TAFA3: variants seen among roughly 807,000 people sequenced by gnomAD.
TAFA3 encodes the protein TAFA chemokine like family member 3, also known as chemokine-like protein TAFA-3.
A neutral mutation model predicts 20.7 loss-of-function variants in TAFA3; 17 were observed. The ratio of observed to expected loss-of-function variants is 0.82; its 90% CI spans 0.56 to 1.23. TAFA3 has a LOEUF of 1.23. Ranked by LOEUF, TAFA3 falls within the 50% of genes most tolerant of loss-of-function variation. TAFA3 has a pLI of 0.00. For missense variants in TAFA3, 174 were observed against 172.8 expected (o/e 1.01, Z -0.04); for synonymous variants, 74 against 71.8 (o/e 1.03, Z -0.16).
At position 112,719,091 on chromosome 1, in the gene TAFA3, G is replaced by C. The variant is rs1373213984; in HGVS notation, c.-268G>C. 6.6e-6 allele frequency among the ~76,000 whole-genome samples: 1 copy of C among 152,218 alleles called. No homozygotes were observed. Among genetic ancestry groups the C allele is most frequent in the Non-Finnish European group, 1.5e-5 (1 of 68,034 alleles). The stretch of plus-strand genomic sequence containing the variant: ...AGAGCTCCCCTGTGCCCAGAGCCCG[G>C]CCCGCCCTGCGGATGATGCCAACCT... On this transcript the variant is annotated 5_prime_UTR_variant, in exon 1 of 6. Coordinates refer to ENST00000361886, the MANE Select transcript of TAFA3 (RefSeq NM_182759.3).
At position 112,726,825 on chromosome 1, in the gene TAFA3, C is replaced by T. The variant is rs913068426; in HGVS notation, c.*185C>T. 1 of 821,730 alleles carries T rather than the reference C, an allele frequency of 1.2e-6. No homozygotes were observed. Among genetic ancestry groups the T allele is most frequent in the Non-Finnish European group, 1.9e-6 (1 of 520,588 alleles). 50.9% of individuals were successfully genotyped at this position (821,730 alleles called of 1,614,324 possible). ...ATATGGATGGATCTGCAATCACATA[C>T]CTAATGTGGAGCTGGGCTTTTCTGG... On this transcript the variant is annotated 3_prime_UTR_variant, in exon 6 of 6. Coordinates refer to ENST00000361886, the MANE Select transcript of TAFA3 (RefSeq NM_182759.3).
In TAFA3 at chr1:112,724,133, C is replaced by G; in HGVS notation, c.386C>G (p.Thr129Ser). 6.3e-7 allele frequency: 1 copy of G among 1,598,520 alleles called. No homozygotes were observed. Among genetic ancestry groups the G allele is most frequent in the Non-Finnish European group, 8.5e-7 (1 of 1,170,992 alleles). The stretch of plus-strand genomic sequence containing the variant: ...AGCAGTGGACACAAAGTCAAAACCA[C>G]CAAGGTACCCTGGGTGGGCACCTCA... ...SCSSGHKVKT[T>S]KVTR Residue 129 changes from threonine (T) to serine (S), a missense_variant, in exon 5 of 6, where the codon ACC (threonine) becomes AGC (serine). Coordinates refer to ENST00000361886, the MANE Select transcript of TAFA3 (RefSeq NM_182759.3).
intron 5 of TAFA3, 72 bp from the exon 6 acceptor site, chr1:112,726,557 G>A: frequency 6.6e-7 from 1 of 1,521,760 alleles, no homozygotes; most frequent in Non-Finnish European, 9.1e-7. Flanking sequence ...TGCATATTCT[G>A]GGTAGTCTCT....
At chr1:112,720,451 A>C (rs1262927846) in intron 1 of TAFA3, 126 bp from the exon 2 acceptor site, 1 of 152,244 alleles carries the variant, frequency 6.6e-6, no homozygotes, top group African/African-American at 2.4e-5. Context: ...ACAGCTTCAG[A>C]ATTGGGCTGA....
At chr1:112,722,567 C>T (rs1301931833) in intron 3 of TAFA3, among the ~76,000 whole-genome samples, 1 of 152,192 alleles carries the variant, frequency 6.6e-6, no homozygotes, top group East Asian at 1.9e-4. Flanking sequence ...TTGCTCACCT[C>T]TCCTTCCAGG....
intron 5 of TAFA3, among the ~76,000 whole-genome samples, chr1:112,725,039 T>C (rs1357460838): frequency 1.3e-5 from 2 of 152,140 alleles, no homozygotes; most frequent in Non-Finnish European, 2.9e-5. Flanking sequence ...TTATATACCA[T>C]AGAATACTAC....
chr1:112,723,122 C>T lies in TAFA3; in HGVS notation c.222C>T (p.Gly74=), dbSNP rs774046138. The part of the protein sequence containing the change: ...SQTVKCSCFS[G]QVAGTTRAKP... ...CGGTGAAATGCTCCTGTTTTTCTGG[C>T]CAGGTGGCCGGCACCACGCGGGCAA... The change falls in exon 4 of 6, where the codon GGC becomes GGT. Residue 74 remains glycine (G), a synonymous_variant. Coordinates refer to ENST00000361886, the MANE Select transcript of TAFA3 (RefSeq NM_182759.3). 6.2e-7 allele frequency: 1 copy of T among 1,613,270 alleles called. No individual in the cohort carries two copies. The highest frequency in any genetic ancestry group is 1.1e-5 in the South Asian group (1 of 90,964).
chr1:112,726,107 A>G (rs965502553), intron 5 of TAFA3, among the ~76,000 whole-genome samples: 50 of 152,226 alleles, frequency 3.3e-4, no homozygotes, highest in African/African-American at 1.2e-3. Flanking sequence ...ACTGCACTCC[A>G]GTCTGGGCGA....
Position 112,723,064 on chromosome 1 carries a change from G to C in TAFA3, c.164G>C (p.Cys55Ser). 2 of 1,613,116 alleles carry C rather than the reference G, an allele frequency of 1.2e-6. No homozygotes were observed. The highest frequency in any genetic ancestry group is 1.7e-6 in the Non-Finnish European group (2 of 1,179,686). ...GAGGTGATTGCGGCTCACCGCTGCTGCAACCGGAACCGCATCGAGGAGCGC... is the reference window on the plus strand; with the variant it reads ...GAGGTGATTGCGGCTCACCGCTGCTCCAACCGGAACCGCATCGAGGAGCGC... ...TCEVIAAHRC[C>S]NRNRIEERSQ... Residue 55 changes from cysteine (C) to serine (S), a missense_variant, in exon 4 of 6, where the codon TGC (cysteine) becomes TCC (serine). Transcript: ENST00000361886.
rs1465055302 is a variant in TAFA3 at position 112,722,303 on chromosome 1, T to G, written c.70T>G (p.Trp24Gly). The change falls in exon 3 of 6, where the codon TGG becomes GGG. Residue 24 changes from tryptophan to glycine, a missense_variant. Transcript: ENST00000361886. The stretch of plus-strand genomic sequence containing the variant: ...GCTGGCACTGTGCCTGGCCTGGCTG[T>G]GGACCCACCTGACCTTGGCTGCCTT... ...WLLALCLAWL[W>G]THLTLAALQP... The G allele has an allele frequency of 6.2e-7, 1 of 1,613,876 alleles. No individual in the cohort carries two copies. Among genetic ancestry groups the G allele is most frequent in the Non-Finnish European group, 8.5e-7 (1 of 1,180,024 alleles).
At chr1:112,723,296 G>A in intron 4 of TAFA3, 131 bp downstream of exon 4, 1 of 1,281,372 alleles carries the variant, frequency 7.8e-7, no homozygotes. Flanking sequence ...TCAAATGGTG[G>A]GGCCCCCTCT....
chr1:112,718,976 T>C lies in TAFA3; in HGVS notation c.-383T>C, dbSNP rs1675265402. 4.6e-5 allele frequency among the ~76,000 whole-genome samples: 7 copies of C among 152,180 alleles called. No homozygotes were observed. The South Asian group carries it at 1.5e-3, about 32-fold the overall frequency. The stretch of plus-strand genomic sequence containing the variant: ...GGGGTAGCCCGGGGCGAGGCGGCGG[T>C]TGCGGCGGCGGCTGCGCGCTCCCCG... On this transcript the variant is annotated 5_prime_UTR_variant, in exon 1 of 6. Coordinates refer to ENST00000361886, the MANE Select transcript of TAFA3 (RefSeq NM_182759.3).
Position 112,725,417 on chromosome 1 carries a change from A to G in TAFA3, c.391-1212A>G, listed in dbSNP as rs1255002423. On this transcript the variant is annotated intron_variant, in intron 5 of 5. Coordinates refer to ENST00000361886, the MANE Select transcript of TAFA3 (RefSeq NM_182759.3). ...TATTAAAAAAAAAAAAAAAAAAAACATAGTCGAGAATGGGAAAAATTATAA... is the reference window on the plus strand; with the variant it reads ...TATTAAAAAAAAAAAAAAAAAAAACGTAGTCGAGAATGGGAAAAATTATAA... Among the ~76,000 whole-genome samples, 12 of 151,186 alleles carry G rather than the reference A, an allele frequency of 7.9e-5. No homozygotes were observed. The East Asian group carries it at 2.4e-3, about 30-fold the overall frequency.
chr1:112,723,012 T>G lies in TAFA3; in HGVS notation c.116-4T>G. ...GGCGTCTGATCCTGGGCGGCTCCCC[T>G]CAGTGCTTGTGCAGCAGGGCACCTG... On this transcript the variant is annotated splice_polypyrimidine_tract_variant and splice_region_variant and intron_variant, in intron 3 of 5. Transcript: ENST00000361886. 1 of 1,609,868 alleles carries G rather than the reference T, an allele frequency of 6.2e-7. No individual in the cohort carries two copies. The highest frequency in any genetic ancestry group is 8.5e-7 in the Non-Finnish European group (1 of 1,178,370).
intron 4 of TAFA3, 112 bp from the exon 5 acceptor site, chr1:112,723,901 G>A: frequency 6.2e-7 from 1 of 1,606,266 alleles, no homozygotes; most frequent in Non-Finnish European, 8.5e-7. Flanking sequence ...GGAAATGCAT[G>A]GCTCAAGGCC....
Position 112,723,138 on chromosome 1 carries a change from A to G in TAFA3, c.238A>G (p.Thr80Ala). The G allele has an allele frequency of 6.2e-7, 1 of 1,613,208 alleles. No homozygotes were observed. The highest frequency in any genetic ancestry group is 1.1e-5 in the South Asian group (1 of 90,966). Residue 80 changes from threonine to alanine, a missense_variant, in exon 4 of 6, where the codon ACG becomes GCG. Thr to Ala is a moderately conservative substitution (Grantham distance 58). Coordinates refer to ENST00000361886, the MANE Select transcript of TAFA3 (RefSeq NM_182759.3). ...TTTTTCTGGCCAGGTGGCCGGCACC[A>G]CGCGGGCAAAGCCCTCCTGCGTGGA... The part of the protein sequence containing the change: ...SCFSGQVAGT[T>A]RAKPSCVDAS...
Position 112,724,138 on chromosome 1 carries a change from G to C in TAFA3, c.390+1G>C, listed in dbSNP as rs752561218. On this transcript the variant is annotated splice_donor_variant, in intron 5 of 5. Coordinates refer to ENST00000361886, the MANE Select transcript of TAFA3 (RefSeq NM_182759.3). LOFTEE classifies it high-confidence loss of function. ...TGGACACAAAGTCAAAACCACCAAGGTACCCTGGGTGGGCACCTCATCCCA... is the reference window on the plus strand; with the variant it reads ...TGGACACAAAGTCAAAACCACCAAGCTACCCTGGGTGGGCACCTCATCCCA... 2 of 1,591,986 alleles carry C rather than the reference G, an allele frequency of 1.3e-6. No individual in the cohort carries two copies. Among genetic ancestry groups the C allele is most frequent in the East Asian group, 4.5e-5 (2 of 44,336 alleles).
intron 5 of TAFA3, among the ~76,000 whole-genome samples, chr1:112,725,727 G>A (rs546330703): frequency 3.9e-4 from 59 of 152,278 alleles, no homozygotes; most frequent in Non-Finnish European, 6.0e-4. Context: ...CTAATCAGCC[G>A]CATTGCTCTG....
At position 112,723,013 on chromosome 1, in the gene TAFA3, C is replaced by G. The variant is rs370181258; in HGVS notation, c.116-3C>G. 15 of 1,609,852 alleles carry G rather than the reference C, an allele frequency of 9.3e-6. No individual in the cohort carries two copies. The highest frequency in any genetic ancestry group is 4.0e-5 in the African/African-American group (3 of 74,878). ...GCGTCTGATCCTGGGCGGCTCCCCT[C>G]AGTGCTTGTGCAGCAGGGCACCTGC... On this transcript the variant is annotated splice_polypyrimidine_tract_variant and splice_region_variant and intron_variant, in intron 3 of 5. Transcript: ENST00000361886.
Sources: gnomAD v4.1 joint callset for allele counts (sites outside exome capture counted in the v4.1 genomes callset) on GRCh38, gnomAD v4.1.1 for gene constraint, MANE v1.5 for transcripts, NCBI Gene and HGNC (gene_info 2026-07-23, HGNC 2026-07-21) for gene names.